The following TAFA1 variants were observed in gnomAD, a reference collection of about 807,000 sequenced individuals.
TAFA1 encodes the protein chemokine-like protein TAFA-1.
In TAFA1, 4 loss-of-function variants were observed where a neutral mutation model predicts 18.5. The ratio of observed to expected loss-of-function variants is 0.22; its 90% CI spans 0.11 to 0.49. The LOEUF is 0.49. TAFA1 is among the 20% of genes least tolerant of loss of function. The pLI, the probability that TAFA1 is intolerant of heterozygous loss-of-function variation, is 0.98. For synonymous variants in TAFA1, 56 were observed against 55.2 expected (o/e 1.01, Z -0.06); for missense variants, 147 against 169.0 (o/e 0.87, Z 0.72).
chr3:68,053,352 A>C (rs1324893413), intron 2 of TAFA1, among the ~76,000 whole-genome samples: 1 of 152,142 alleles, frequency 6.6e-6, no homozygotes, highest in Non-Finnish European at 1.5e-5. Context: ...AAATCTTAAC[A>C]GATGTGATAA....
intron 2 of TAFA1, among the ~76,000 whole-genome samples, chr3:68,339,558 C>T (rs895928291): frequency 1.3e-5 from 2 of 152,118 alleles, no homozygotes; most frequent in Non-Finnish European, 2.9e-5. Context: ...TTATTAAAAG[C>T]TCTTTTGATG....
intron 2 of TAFA1, among the ~76,000 whole-genome samples, chr3:68,147,691 A>G (rs2065758986): frequency 6.6e-6 from 1 of 151,080 alleles, no homozygotes; most frequent in Non-Finnish European, 1.5e-5. Context: ...TTTGAGGGCA[A>G]AACATTTTTT....
chr3:68,527,698 CTG>C (rs2073128245), intron 3 of TAFA1, among the ~76,000 whole-genome samples: 1 of 152,014 alleles, frequency 6.6e-6, no homozygotes, highest in Admixed American at 6.6e-5. Flanking sequence ...CAAAAAGAGA[CTG>C]TATGCTGCTT....
chr3:68,109,931 C>G (rs185586490), intron 2 of TAFA1, among the ~76,000 whole-genome samples: 5 of 152,204 alleles, frequency 3.3e-5, no homozygotes, highest in Admixed American at 2.0e-4. Flanking sequence ...TAATATGATT[C>G]ATGTGATTAT....
chr3:68,495,920 A>T (rs1245948809), intron 3 of TAFA1, among the ~76,000 whole-genome samples: 1 of 148,848 alleles, frequency 6.7e-6, no homozygotes. Context: ...CGTCCTTTGA[A>T]GTGCTTCTGT....
intron 2 of TAFA1, among the ~76,000 whole-genome samples, chr3:68,217,240 CT>C (rs2066671063): frequency 6.6e-6 from 1 of 151,858 alleles, no homozygotes; most frequent in African/African-American, 2.4e-5. Flanking sequence ...TTGCACCAAC[CT>C]AATATTATCT....
intron 2 of TAFA1, among the ~76,000 whole-genome samples, chr3:68,229,276 G>A (rs1400566369): frequency 6.6e-6 from 1 of 152,092 alleles, no homozygotes; most frequent in Non-Finnish European, 1.5e-5. Context: ...TTTTTACAAC[G>A]TTCAAAAATA....
intron 2 of TAFA1, among the ~76,000 whole-genome samples, chr3:68,115,522 G>A (rs1408087102): frequency 6.6e-6 from 1 of 152,202 alleles, no homozygotes; most frequent in African/African-American, 2.4e-5. Context: ...GGATTAGTGA[G>A]AAATGACTAT....
intron 3 of TAFA1, among the ~76,000 whole-genome samples, chr3:68,424,710 A>G (rs2071020877): frequency 1.3e-5 from 2 of 152,066 alleles, no homozygotes; most frequent in African/African-American, 2.4e-5. Context: ...CATGAGATAT[A>G]TGTGAGAAGG....
At chr3:68,396,312 T>C (rs181970941) in intron 2 of TAFA1, among the ~76,000 whole-genome samples, 2 of 152,250 alleles carry the variant, frequency 1.3e-5, no homozygotes, top group African/African-American at 2.4e-5. Flanking sequence ...TCACCCATGA[T>C]ACCATAACTC....
At chr3:68,447,644 T>C (rs535905457) in intron 3 of TAFA1, among the ~76,000 whole-genome samples, 1 of 152,266 alleles carries the variant, frequency 6.6e-6, no homozygotes, top group African/African-American at 2.4e-5. Context: ...AAATATACAT[T>C]TGCACAGAGT....
At chr3:68,308,059 G>A (rs1428855616) in intron 2 of TAFA1, among the ~76,000 whole-genome samples, 1 of 152,016 alleles carries the variant, frequency 6.6e-6, no homozygotes, top group African/African-American at 2.4e-5. Flanking sequence ...GTAATAAATC[G>A]GGTGACATAA....
chr3:68,012,484 A>G (rs1430905189), intron 2 of TAFA1, among the ~76,000 whole-genome samples: 1 of 152,164 alleles, frequency 6.6e-6, no homozygotes, highest in Non-Finnish European at 1.5e-5. Flanking sequence ...TGGAGAAAAC[A>G]AGGAACAGAA....
At chr3:68,088,932 C>T (rs1441102625) in intron 2 of TAFA1, among the ~76,000 whole-genome samples, 1 of 152,022 alleles carries the variant, frequency 6.6e-6, no homozygotes, top group Non-Finnish European at 1.5e-5. Context: ...ATGCTGGTAA[C>T]TAGGATGTAG....
chr3:68,467,382 G>C (rs1460581300), intron 3 of TAFA1, among the ~76,000 whole-genome samples: 8 of 152,296 alleles, frequency 5.3e-5, no homozygotes, highest in Non-Finnish European at 1.0e-4. Flanking sequence ...ATGTTCTTCT[G>C]TCATGGCTTC....
At chr3:68,000,049 A>T (rs1704268110), upstream of TAFA1, among the ~76,000 whole-genome samples, 1 of 152,142 alleles carries the variant, frequency 6.6e-6, no homozygotes, top group African/African-American at 2.4e-5. Flanking sequence ...TCGGCCTCCC[A>T]AAGTGCTGGG....
At chr3:68,288,255 G>A (rs2068049743) in intron 2 of TAFA1, among the ~76,000 whole-genome samples, 1 of 152,148 alleles carries the variant, frequency 6.6e-6, no homozygotes, top group East Asian at 1.9e-4. Flanking sequence ...CCGGGTTCCA[G>A]GCCCACGTGG....
At chr3:68,144,959 A>G (rs2065718905) in intron 2 of TAFA1, 1 of 864,684 alleles carries the variant, frequency 1.2e-6, no homozygotes, top group African/African-American at 1.7e-5. Flanking sequence ...AATAATGACT[A>G]TAAAGTGGCA....
At chr3:68,076,407 C>T (rs1250681932) in intron 2 of TAFA1, among the ~76,000 whole-genome samples, 1 of 151,494 alleles carries the variant, frequency 6.6e-6, no homozygotes, top group African/African-American at 2.4e-5. Flanking sequence ...GCTGCACCCA[C>T]TAACTCATCA....
Sources: allele counts gnomAD v4.1 joint callset (sites outside exome capture counted in the v4.1 genomes callset), GRCh38; gene constraint gnomAD v4.1.1; transcripts MANE v1.5; gene names NCBI Gene and HGNC (gene_info 2026-07-23, HGNC 2026-07-21).